LRRC7: variants seen among roughly 807,000 people sequenced by gnomAD.
LRRC7 encodes the protein leucine rich repeat containing 7, also known as leucine-rich repeat-containing protein 7.
In LRRC7, 23 loss-of-function variants were observed where a neutral mutation model predicts 175.7. That is an observed-to-expected ratio of 0.13 (90% CI 0.09 to 0.19). The LOEUF is 0.19. Among genes scored for constraint, LRRC7 ranks in the 10% least tolerant of loss-of-function variants. The pLI is 1.00. For missense variants in LRRC7, 1,354 were observed against 1,904.7 expected (o/e 0.71, Z 5.38); for synonymous variants, 685 against 680.9 (o/e 1.01, Z -0.09).
At chr1:69,963,484 A>T (rs1220745797) in intron 8 of LRRC7, among the ~76,000 whole-genome samples, 1 of 152,280 alleles carries the variant, frequency 6.6e-6, no homozygotes, top group East Asian at 1.9e-4. Flanking sequence ...GACTTTTTGT[A>T]TGATATGGCA....
At chr1:69,777,696 C>T (rs897907027) in intron 3 of LRRC7, among the ~76,000 whole-genome samples, 6 of 152,164 alleles carry the variant, frequency 3.9e-5, no homozygotes, top group Admixed American at 1.3e-4. Flanking sequence ...TGTTCAGCTT[C>T]CACATCAAAT....
At chr1:69,931,433 AG>A in intron 7 of LRRC7, 73 bp from the exon 8 acceptor site, 6 of 1,151,358 alleles carry the variant, frequency 5.2e-6, no homozygotes, top group Non-Finnish European at 7.8e-6. Flanking sequence ...TCTGACAGGA[AG>A]GTGGTTGGAA....
intron 5 of LRRC7, among the ~76,000 whole-genome samples, chr1:69,826,642 G>A (rs1679942574): frequency 6.6e-6 from 1 of 152,120 alleles, no homozygotes; most frequent in Non-Finnish European, 1.5e-5. Flanking sequence ...TGCAAAAAAT[G>A]AGCTTCAGAG....
Position 69,611,006 on chromosome 1 carries a change from TA to T in LRRC7, c.2+42366del, listed in dbSNP as rs555390805. On this transcript the variant is annotated intron_variant, in intron 1 of 26. Coordinates refer to ENST00000651989, the MANE Select transcript of LRRC7 (RefSeq NM_001370785.2). ...AATTTAATTAAAGTATTTTTATAAA[TA>T]TACATAGTATTTGCTAAATTGAATT... 9.2e-5 allele frequency among the ~76,000 whole-genome samples: 14 copies of T among 152,054 alleles called. 1 individual carries two copies. The South Asian group carries it at 1.0e-3, about 11-fold the overall frequency.
intron 4 of LRRC7, among the ~76,000 whole-genome samples, chr1:69,811,686 C>T (rs1315974706): frequency 7.2e-5 from 11 of 151,966 alleles, no homozygotes; most frequent in Non-Finnish European, 1.5e-4. Context: ...AATCAAACAC[C>T]GCATATTCTC....
At position 69,978,932 on chromosome 1, in the gene LRRC7, G is replaced by GAA. The variant is rs3069189; in HGVS notation, c.712-1429_712-1428dup. 6.1e-3 allele frequency among the ~76,000 whole-genome samples: 773 copies of GAA among 126,108 alleles called. 9 individuals are homozygous for GAA. Among genetic ancestry groups the GAA allele is most frequent in the South Asian group, 0.022 (86 of 3,850 alleles). The allele number at this position is 126,108 out of a possible 152,430, so 82.7% of individuals were successfully genotyped here. On this transcript the variant is annotated intron_variant, in intron 8 of 26. Transcript: ENST00000651989. Reference sequence around the variant, plus strand: ...CAGTAAGTAATAATTGTTTCAGTTAGAAAAAAAAAAAAAAAAAAACAGAAA... The same window carrying GAA: ...CAGTAAGTAATAATTGTTTCAGTTAGAAAAAAAAAAAAAAAAAAAAACAGAAA...
chr1:69,654,953 T>G (rs1158509198), intron 1 of LRRC7, among the ~76,000 whole-genome samples: 1 of 152,120 alleles, frequency 6.6e-6, no homozygotes, highest in African/African-American at 2.4e-5. Flanking sequence ...TCAAATAGTT[T>G]GGCTTCAACT....
chr1:69,619,307 G>C (rs748794509), intron 1 of LRRC7, among the ~76,000 whole-genome samples: 1 of 152,098 alleles, frequency 6.6e-6, no homozygotes, highest in Non-Finnish European at 1.5e-5. Flanking sequence ...AATCAATGGT[G>C]AGTAAAACTA....
intron 1 of LRRC7, among the ~76,000 whole-genome samples, chr1:69,675,848 C>T (rs1659691882): frequency 6.6e-6 from 1 of 151,944 alleles, no homozygotes; most frequent in South Asian, 2.1e-4. Flanking sequence ...CTTCAAGTTT[C>T]CACTTGGTTT....
At chr1:69,651,069 G>A (rs115565164) in intron 1 of LRRC7, among the ~76,000 whole-genome samples, 1 of 152,240 alleles carries the variant, frequency 6.6e-6, no homozygotes, top group African/African-American at 2.4e-5. Context: ...AGTGACGAAT[G>A]TCAACTCTTT....
chr1:70,051,431 A>G (rs983443541), intron 22 of LRRC7, among the ~76,000 whole-genome samples: 5 of 152,058 alleles, frequency 3.3e-5, no homozygotes, highest in Non-Finnish European at 1.5e-5. Flanking sequence ...TTTATTTACC[A>G]TATTTTAATA....
At chr1:69,756,118 A>G (rs191292646) in intron 2 of LRRC7, among the ~76,000 whole-genome samples, 6 of 152,094 alleles carry the variant, frequency 3.9e-5, no homozygotes, top group Non-Finnish European at 7.4e-5. Context: ...AAGATGATTC[A>G]GGGAACAACA....
At chr1:70,053,575 G>A (rs1346806078) in intron 23 of LRRC7, among the ~76,000 whole-genome samples, 3 of 151,974 alleles carry the variant, frequency 2.0e-5, no homozygotes, top group Non-Finnish European at 2.9e-5. Flanking sequence ...TGCTATGTGT[G>A]GAGCACTTGC....
chr1:69,840,297 A>G (rs1681583183), intron 7 of LRRC7, among the ~76,000 whole-genome samples: 1 of 152,014 alleles, frequency 6.6e-6, no homozygotes. Context: ...ATACCTTTTG[A>G]TCACCAGTCT....
At chr1:69,758,382 AC>A (rs1462442844) in intron 2 of LRRC7, among the ~76,000 whole-genome samples, 1 of 152,002 alleles carries the variant, frequency 6.6e-6, no homozygotes, top group Non-Finnish European at 1.5e-5. Flanking sequence ...TTATTCATGA[AC>A]CTGTCCCTAG....
chr1:69,744,137 A>G (rs1669012462), intron 2 of LRRC7, among the ~76,000 whole-genome samples: 2 of 151,890 alleles, frequency 1.3e-5, no homozygotes, highest in South Asian at 4.1e-4. Context: ...TATTTTTAAA[A>G]TATAAATAAA....
intron 1 of LRRC7, among the ~76,000 whole-genome samples, chr1:69,573,628 G>A (rs1166559550): frequency 6.6e-6 from 1 of 151,934 alleles, no homozygotes; most frequent in African/African-American, 2.4e-5. Context: ...CCCCTGGGGA[G>A]GCATCATATA....
chr1:69,722,345 A>T (rs1666455910), intron 2 of LRRC7, among the ~76,000 whole-genome samples: 1 of 152,064 alleles, frequency 6.6e-6, no homozygotes. Flanking sequence ...TCATGAACAT[A>T]GCTGCTCTAA....
rs61782607 is a variant in LRRC7, at chr1:69,966,447, C to A, written c.712-13932C>A. On this transcript the variant is annotated intron_variant, in intron 8 of 26. Coordinates refer to ENST00000651989, the MANE Select transcript of LRRC7 (RefSeq NM_001370785.2). ...GGCAGATTATGTTTTTCATTAGTAACATTTCTCTTAACCTCATTTCATCTT... is the reference window on the plus strand; with the variant it reads ...GGCAGATTATGTTTTTCATTAGTAAAATTTCTCTTAACCTCATTTCATCTT... 1.1e-3 allele frequency among the ~76,000 whole-genome samples: 166 copies of A among 152,268 alleles called. 1 individual carries two copies. Among genetic ancestry groups the A allele is most frequent in the Middle Eastern group, 3.4e-3 (1 of 294 alleles).
Sources: gnomAD v4.1 joint callset for allele counts (sites outside exome capture counted in the v4.1 genomes callset) on GRCh38, gnomAD v4.1.1 for gene constraint, MANE v1.5 for transcripts, NCBI Gene and HGNC (gene_info 2026-07-23, HGNC 2026-07-21) for gene names.